WIPF3: variants seen among roughly 807,000 people sequenced by gnomAD.
WIPF3 encodes the protein WAS/WASL-interacting protein family member 3.
WIPF3 carries 33 observed loss-of-function variants against 38.9 expected under a neutral mutation model. The ratio of observed to expected loss-of-function variants is 0.85; its 90% CI spans 0.64 to 1.14. The LOEUF (loss-of-function observed/expected upper bound fraction) is 1.14. Among genes scored for constraint, WIPF3 ranks in the 50% most tolerant of loss-of-function variants. WIPF3 has a pLI of 0.00. For synonymous variants in WIPF3, 324 were observed against 269.3 expected (o/e 1.20, Z -1.99); for missense variants, 711 against 652.5 (o/e 1.09, Z -0.98).
rs1007678678 is a variant in WIPF3 at position 29,844,714 on chromosome 7, A to G, written c.90+9900A>G. Among the ~76,000 whole-genome samples, 2 of 152,226 alleles carry G rather than the reference A, an allele frequency of 1.3e-5. No individual in the cohort carries two copies. The highest frequency in any genetic ancestry group is 6.5e-5 in the Admixed American group (1 of 15,288). On this transcript the variant is annotated intron_variant, in intron 2 of 8. Transcript: ENST00000242140. The surrounding 1 kb of genome is among the most constrained non-coding windows in gnomAD (Gnocchi z 4.8). Reference sequence around the variant, plus strand: ...CTATGACCTTTGCATTGGCCTGTGGACTAGCACATAGTAATTGAGTTATTC... The same window carrying G: ...CTATGACCTTTGCATTGGCCTGTGGGCTAGCACATAGTAATTGAGTTATTC...
chr7:29,902,265 C>CTTTTTTTTTTTTTTTTTTTTTT (rs141174377), intron 7 of WIPF3, among the ~76,000 whole-genome samples: 2 of 116,390 alleles, frequency 1.7e-5, no homozygotes, highest in African/African-American at 6.0e-5. Context: ...TTTTCTTCTT[C>CTTTTTTTTTTTTTTTTTTTTTT]TTCTTCTTCT....
intron 1 of WIPF3, among the ~76,000 whole-genome samples, chr7:29,832,717 AG>A (rs67514572): frequency 6.6e-6 from 1 of 151,598 alleles, no homozygotes; most frequent in African/African-American, 2.4e-5. Context: ...TCCCCAAAAA[AG>A]TTGCACTGAC....
chr7:29,874,757 C>A lies in WIPF3; in HGVS notation c.91-1073C>A, dbSNP rs78013364. On this transcript the variant is annotated intron_variant, in intron 2 of 8. Transcript: ENST00000242140. ...CCTGGCTCTACTAACCCGTGGAAAC[C>A]TCCACCATGTCAGCTGAAGCTACAG... Among the ~76,000 whole-genome samples, 336 of 152,302 alleles carry A rather than the reference C, an allele frequency of 2.2e-3. 1 individual carries two copies. The highest frequency in any genetic ancestry group is 7.7e-3 in the African/African-American group (320 of 41,552).
chr7:29,851,091 T>A (rs1785087790), intron 2 of WIPF3, among the ~76,000 whole-genome samples: 1 of 152,200 alleles, frequency 6.6e-6, no homozygotes, highest in Admixed American at 6.5e-5. Flanking sequence ...AGTTTCGCAC[T>A]GTCCTCTCTG....
rs1785649430 is a variant in WIPF3 at position 29,878,410 on chromosome 7, C to G, written c.224-599C>G. 6.6e-6 allele frequency among the ~76,000 whole-genome samples: 1 copy of G among 152,132 alleles called. No individual in the cohort carries two copies. Among genetic ancestry groups the G allele is most frequent in the South Asian group, 2.1e-4 (1 of 4,822 alleles). ...TCTGGAAGGCTGGAGTTAGTGACAC[C>G]TTTCCTCAGGGGCTCATGATCTTTC... On this transcript the variant is annotated intron_variant, in intron 3 of 8. Transcript: ENST00000242140. The surrounding 1 kb of genome is among the most constrained non-coding windows in gnomAD (Gnocchi z 4.0).
intron 1 of WIPF3, among the ~76,000 whole-genome samples, chr7:29,812,459 T>G (rs1334389802): frequency 1.3e-5 from 2 of 152,236 alleles, no homozygotes; most frequent in Non-Finnish European, 2.9e-5. Context: ...TGCCTCATGA[T>G]GACGATATGG....
At chr7:29,841,968 T>C (rs1429984441) in intron 2 of WIPF3, among the ~76,000 whole-genome samples, 1 of 152,230 alleles carries the variant, frequency 6.6e-6, no homozygotes, top group East Asian at 1.9e-4. Context: ...CATCAGAATT[T>C]TACCAAACTT....
intron 7 of WIPF3, among the ~76,000 whole-genome samples, chr7:29,889,884 G>A (rs1248873594): frequency 6.6e-6 from 1 of 152,180 alleles, no homozygotes; most frequent in Admixed American, 6.5e-5. Context: ...TGAAGGCCAG[G>A]TTACATCTAA....
intron 1 of WIPF3, among the ~76,000 whole-genome samples, chr7:29,820,002 TA>T (rs1401307854): frequency 1.3e-5 from 2 of 152,074 alleles, no homozygotes; most frequent in Admixed American, 6.5e-5. Flanking sequence ...TATAGTCATA[TA>T]TTTCCCCGTA....
chr7:29,895,301 A>G (rs1214156405), intron 7 of WIPF3, among the ~76,000 whole-genome samples: 1 of 152,154 alleles, frequency 6.6e-6, no homozygotes, highest in Admixed American at 6.5e-5. Context: ...TATAATTACC[A>G]TTATGACCCA....
At chr7:29,899,825 A>G (rs941781205) in intron 7 of WIPF3, among the ~76,000 whole-genome samples, 8 of 152,258 alleles carry the variant, frequency 5.3e-5, no homozygotes, top group Non-Finnish European at 1.0e-4. Flanking sequence ...TACATTTTGT[A>G]AAAAATAAAT....
chr7:29,893,875 A>G (rs1402218575), intron 7 of WIPF3, among the ~76,000 whole-genome samples: 1 of 152,102 alleles, frequency 6.6e-6, no homozygotes, highest in Non-Finnish European at 1.5e-5. Flanking sequence ...ATTGTAACCT[A>G]TACCCTAAAC....
intron 2 of WIPF3, among the ~76,000 whole-genome samples, chr7:29,847,553 G>A (rs148214375): frequency 4.6e-5 from 7 of 152,288 alleles, no homozygotes; most frequent in South Asian, 2.1e-4. Flanking sequence ...ATTGACAGCC[G>A]TGTGGAAATA....
At chr7:29,908,990 AAGT>A (rs1355207275) in intron 8 of WIPF3, among the ~76,000 whole-genome samples, 1 of 152,222 alleles carries the variant, frequency 6.6e-6, no homozygotes, top group African/African-American at 2.4e-5. Context: ...TCAAGAACAG[AAGT>A]AAAACTGGAA....
intron 7 of WIPF3, among the ~76,000 whole-genome samples, chr7:29,902,301 C>A (rs1226388756): frequency 9.3e-6 from 1 of 107,020 alleles, no homozygotes; most frequent in Non-Finnish European, 2.0e-5. Flanking sequence ...ACTTTTTGCT[C>A]AGTTAATAAA....
At position 29,888,194 on chromosome 7, in the gene WIPF3, G is replaced by A. The variant is rs759730973; in HGVS notation, c.1226G>A (p.Arg409Gln). ...TPTQQPGGQL[R>Q]NGSLHIIDDF... ...ACGCAGCAGCCTGGAGGTCAACTGC[G>A]AAATGGAAGCCTGCACATCATTGGT... The change falls in exon 6 of 9, where the codon CGA becomes CAA. Residue 409 changes from arginine to glutamine, a missense_variant. Coordinates refer to ENST00000242140, the MANE Select transcript of WIPF3 (RefSeq NM_001080529.3). 12 of 1,611,006 alleles carry A rather than the reference G, an allele frequency of 7.4e-6. No individual in the cohort carries two copies. Among genetic ancestry groups the A allele is most frequent in the African/African-American group, 1.3e-5 (1 of 75,000 alleles).
rs1460974788 is a variant in WIPF3, at chr7:29,884,198, C to G, written c.704C>G (p.Pro235Arg). The G allele has an allele frequency of 1.3e-6, 2 of 1,523,356 alleles. No individual in the cohort carries two copies. Among genetic ancestry groups the G allele is most frequent in the African/African-American group, 1.4e-5 (1 of 71,230 alleles). 94.4% of individuals were successfully genotyped at this position (1,523,356 alleles called of 1,614,324 possible). The change falls in exon 5 of 9, where the codon CCC becomes CGC. Residue 235 changes from proline (P) to arginine (R), a missense_variant. Physicochemically the swap from Pro to Arg is moderately radical, Grantham distance 103. Transcript: ENST00000242140. Reference sequence around the variant, plus strand: ...CCTCCGCCACCTCCCCCAACGCCACCCCCGCTGCCCCCGGCCTCGGTTCTT... The same window carrying G: ...CCTCCGCCACCTCCCCCAACGCCACGCCCGCTGCCCCCGGCCTCGGTTCTT... Reference protein sequence around the residue: ...PPPPPPPPTPPPLPPASVLSD... With the variant: ...PPPPPPPPTPRPLPPASVLSD...
chr7:29,884,016 G>T lies in WIPF3; in HGVS notation c.522G>T (p.Pro174=). ...TAPPRPNVPA[P]PPPTPPPPPP... ...CGCCTCGCCCCAACGTGCCTGCCCC[G>T]CCCCCTCCCACCCCACCCCCTCCGC... is the stretch of plus-strand genomic sequence containing the variant. The change falls in exon 5 of 9, where the codon CCG becomes CCT. Residue 174 remains proline (P), a synonymous_variant. Coordinates refer to ENST00000242140, the MANE Select transcript of WIPF3 (RefSeq NM_001080529.3). 2.5e-6 allele frequency: 2 copies of T among 810,130 alleles called. No homozygotes were observed. Among genetic ancestry groups the T allele is most frequent in the Admixed American group, 1.2e-4 (1 of 8,164 alleles). The allele number at this position is 810,130 out of a possible 1,614,324, so 50.2% of individuals were successfully genotyped here.
chr7:29,842,859 T>A (rs1182168491), intron 2 of WIPF3, among the ~76,000 whole-genome samples: 1 of 152,184 alleles, frequency 6.6e-6, no homozygotes, highest in Non-Finnish European at 1.5e-5. Flanking sequence ...TGCTGGTTCA[T>A]TTGGAATAAT....
Sources: gnomAD v4.1 joint callset for allele counts (sites outside exome capture counted in the v4.1 genomes callset) on GRCh38, gnomAD v4.1.1 for gene constraint, Gnocchi (gnomAD v3.1) non-coding constraint, MANE v1.5 for transcripts, NCBI Gene and HGNC (gene_info 2026-07-23, HGNC 2026-07-21) for gene names.